FRMD8: variants seen among roughly 807,000 people sequenced by gnomAD.
The protein encoded by FRMD8 is FERM domain-containing protein 8.
In FRMD8, 37 loss-of-function variants were observed where a neutral mutation model predicts 54.2. That is an observed-to-expected ratio of 0.68 (90% CI 0.53 to 0.90). FRMD8 has a LOEUF of 0.90. Ranked by LOEUF, FRMD8 falls within the 40% of genes least tolerant of loss-of-function variation. The pLI, the probability that FRMD8 is intolerant of heterozygous loss-of-function variation, is 0.00. For missense variants in FRMD8, 585 were observed against 653.7 expected (o/e 0.89, Z 1.15); for synonymous variants, 246 against 286.9 (o/e 0.86, Z 1.44).
intron 7 of FRMD8, 76 bp downstream of exon 7, chr11:65,397,096 A>G: frequency 1.3e-6 from 1 of 788,586 alleles, no homozygotes; most frequent in African/African-American, 1.8e-5. Context: ...GCTGCCAGTG[A>G]GCCCACCTCT....
upstream of FRMD8, among the ~76,000 whole-genome samples, chr11:65,386,231 C>T (rs754650214): frequency 6.6e-6 from 1 of 152,130 alleles, no homozygotes; most frequent in Non-Finnish European, 1.5e-5. Context: ...GAGTCTGGGC[C>T]AGGACTCATT....
chr11:65,386,277 C>G (rs928826388), upstream of FRMD8, among the ~76,000 whole-genome samples: 2 of 152,164 alleles, frequency 1.3e-5, no homozygotes, highest in Non-Finnish European at 2.9e-5. Flanking sequence ...CGGTACAGGC[C>G]GCTGCCAGCG....
At chr11:65,394,517 G>C (rs796626040) in intron 6 of FRMD8, 92 bp downstream of exon 6, 12 of 1,449,732 alleles carry the variant, frequency 8.3e-6, no homozygotes, top group South Asian at 4.0e-5. Context: ...CTCGCAAGGT[G>C]GGGGCAGGGT....
At chr11:65,389,269 C>T (rs764921947) in intron 2 of FRMD8, 92 bp from the exon 3 acceptor site, 465 of 1,286,924 alleles carry the variant, frequency 3.6e-4, no homozygotes, top group Non-Finnish European at 4.6e-4. Flanking sequence ...GTGGGGGCTC[C>T]AGCCCCAGTG....
the FRMD8 span, among the ~76,000 whole-genome samples, chr11:65,371,595 T>C: frequency 5.3e-5 from 8 of 152,204 alleles, no homozygotes; most frequent in African/African-American, 1.7e-4. Flanking sequence ...TATGAGACCC[T>C]GCTGATTAAA....
At chr11:65,393,498 G>A (rs1332672050) in intron 3 of FRMD8, 75 bp from the exon 4 acceptor site, 2 of 1,079,474 alleles carry the variant, frequency 1.9e-6, no homozygotes, top group African/African-American at 1.5e-5. Context: ...GTCATGCTGT[G>A]CGGTGTGATA....
upstream of FRMD8, among the ~76,000 whole-genome samples, chr11:65,384,904 TCTCA>T (rs1855706454): frequency 6.6e-6 from 1 of 152,088 alleles, no homozygotes; most frequent in Non-Finnish European, 1.5e-5. Context: ...ACAGATGGCG[TCTCA>T]CTATGTTCCC....
At chr11:65,397,089 G>A in intron 7 of FRMD8, 69 bp downstream of exon 7, 5 of 853,566 alleles carry the variant, frequency 5.9e-6, no homozygotes, top group Non-Finnish European at 8.6e-6. Flanking sequence ...TAGCACAGCT[G>A]CCAGTGAGCC....
Position 65,404,375 on chromosome 11 carries a change from G to T in FRMD8, c.1072-489G>T, listed in dbSNP as rs1856144184. ...GCTGCTGCATCTTTTCTGTCAGTGT[G>T]CCTCATGCTTCACACCTGTTGAGTA... On this transcript the variant is annotated intron_variant, in intron 9 of 10. Transcript: ENST00000317568. This position sits in a 1 kb window ranked among gnomAD's most constrained non-coding sequence, Gnocchi z 4.7. Among the ~76,000 whole-genome samples, 1 of 152,160 alleles carries T rather than the reference G, an allele frequency of 6.6e-6. No individual in the cohort carries two copies. The highest frequency in any genetic ancestry group is 6.5e-5 in the Admixed American group (1 of 15,286).
chr11:65,371,065 T>C, the FRMD8 span, among the ~76,000 whole-genome samples: 1 of 152,116 alleles, frequency 6.6e-6, no homozygotes, highest in Non-Finnish European at 1.5e-5. Context: ...TTGGGACATC[T>C]AAGGATGTGT....
chr11:65,395,763 A>G (rs1855941881), intron 6 of FRMD8, among the ~76,000 whole-genome samples: 1 of 152,232 alleles, frequency 6.6e-6, no homozygotes, highest in Non-Finnish European at 1.5e-5. Flanking sequence ...CATTGAGAGC[A>G]TTAAAACCCC....
At chr11:65,410,790 AAAAC>A (rs754810114) in intron 10 of FRMD8, among the ~76,000 whole-genome samples, 17 of 152,214 alleles carry the variant, frequency 1.1e-4, no homozygotes, top group Admixed American at 1.1e-3. Flanking sequence ...ACTCCGTCTC[AAAAC>A]AAACAAAAAA....
the FRMD8 span, chr11:65,375,524 C>G: frequency 2.0e-5 from 3 of 152,362 alleles, no homozygotes; most frequent in Non-Finnish European, 4.4e-5. Flanking sequence ...CTGGCCAGGC[C>G]CGGCCAATGA....
Position 65,411,545 on chromosome 11 carries a change from G to C in FRMD8, c.*185G>C. 8.3e-6 allele frequency: 4 copies of C among 480,190 alleles called. No individual in the cohort carries two copies. The South Asian group carries it at 9.6e-5, about 11-fold the overall frequency. The allele number at this position is 480,190 out of a possible 1,614,324, so 29.7% of individuals were successfully genotyped here. A position where few individuals can be genotyped will look rare whatever the true frequency, so the allele number is the denominator to read the frequency against. On this transcript the variant is annotated 3_prime_UTR_variant, in exon 11 of 11. Coordinates refer to ENST00000317568, the MANE Select transcript of FRMD8 (RefSeq NM_031904.5). ...GGCCATGCCCGGGCTGTGCAAAGCT[G>C]GCCAGGGCCTCCTGTAGGGCTCCTC...
the FRMD8 span, chr11:65,379,356 C>T: frequency 1.2e-6 from 2 of 1,604,102 alleles, no homozygotes; most frequent in South Asian, 1.1e-5. Flanking sequence ...CCTGTGTGTG[C>T]CCACTCACTG....
chr11:65,368,586 C>T, the FRMD8 span, among the ~76,000 whole-genome samples: 1 of 151,394 alleles, frequency 6.6e-6, no homozygotes, highest in East Asian at 1.9e-4. Flanking sequence ...TTTTTTGAGA[C>T]GGAGTCTTGC....
At chr11:65,383,783 A>AAAAC (rs1855682608), upstream of FRMD8, 1 of 112,658 alleles carries the variant, frequency 8.9e-6, no homozygotes, top group Non-Finnish European at 1.8e-5. Flanking sequence ...ACAAACAAAC[A>AAAAC]AAAAAAAAAC....
chr11:65,395,645 T>C (rs1022235315), intron 6 of FRMD8, among the ~76,000 whole-genome samples: 1 of 152,250 alleles, frequency 6.6e-6, no homozygotes, highest in Non-Finnish European at 1.5e-5. Context: ...ACTGTGGGTA[T>C]GCCAGGGCCT....
rs1342078897 is a variant in FRMD8, at chr11:65,411,257, G to A, written c.1292G>A (p.Arg431Gln). The A allele has an allele frequency of 6.2e-7, 1 of 1,608,288 alleles. No individual in the cohort carries two copies. Residue 431 changes from arginine (R) to glutamine (Q), a missense_variant, in exon 11 of 11, where the codon CGA (arginine) becomes CAA (glutamine). Transcript: ENST00000317568. The stretch of plus-strand genomic sequence containing the variant: ...TCCCTCGCAGGCAAGGGGATCAGGC[G>A]AGTGAAGCCGAAGCGCACCACATCC... ...DYVEDGKGIRRVKPKRTTSFF... is the reference protein window; with the variant it reads ...DYVEDGKGIRQVKPKRTTSFF...
Sources: allele counts gnomAD v4.1 joint callset (sites outside exome capture counted in the v4.1 genomes callset), GRCh38; gene constraint gnomAD v4.1.1; non-coding constraint Gnocchi (gnomAD v3.1); transcripts MANE v1.5; gene names NCBI Gene and HGNC (gene_info 2026-07-23, HGNC 2026-07-21).